ADGRG7: variants seen among roughly 807,000 people sequenced by gnomAD.
The protein encoded by ADGRG7 is adhesion G protein-coupled receptor G7.
In ADGRG7, 82 loss-of-function variants were observed where a neutral mutation model predicts 88.6. That is an observed-to-expected ratio of 0.93 (90% CI 0.77 to 1.11). ADGRG7 has a LOEUF of 1.11. Among genes scored for constraint, ADGRG7 ranks in the 50% most tolerant of loss-of-function variants. ADGRG7 has a pLI of 0.00. For missense variants in ADGRG7, 945 were observed against 953.4 expected (o/e 0.99, Z 0.12); for synonymous variants, 381 against 345.2 (o/e 1.10, Z -1.15).
chr3:100,615,690 G>A (rs1623413), intron 1 of ADGRG7, among the ~76,000 whole-genome samples: 46,406 of 152,144 alleles, frequency 0.31, 7,464 homozygotes, highest in Non-Finnish European at 0.34. Flanking sequence ...TACAAACATA[G>A]AAGTTACAAA....
At chr3:100,656,699 C>G (rs964831419) in intron 13 of ADGRG7, among the ~76,000 whole-genome samples, 2 of 152,094 alleles carry the variant, frequency 1.3e-5, no homozygotes, top group East Asian at 3.9e-4. Context: ...ATTCATATCT[C>G]CAAATTCCAC....
chr3:100,627,020 A>T (rs1286358777), intron 1 of ADGRG7, among the ~76,000 whole-genome samples: 1 of 152,182 alleles, frequency 6.6e-6, no homozygotes, highest in Non-Finnish European at 1.5e-5. Context: ...CATATATTTG[A>T]TGATATCATC....
intron 15 of ADGRG7, among the ~76,000 whole-genome samples, chr3:100,676,770 T>A (rs1559689503): frequency 6.6e-6 from 1 of 152,094 alleles, no homozygotes; most frequent in African/African-American, 2.4e-5. Flanking sequence ...TATTTATATA[T>A]GTGGGTGCTC....
At chr3:100,622,118 T>C (rs1338776683) in intron 1 of ADGRG7, among the ~76,000 whole-genome samples, 1 of 152,192 alleles carries the variant, frequency 6.6e-6, no homozygotes, top group African/African-American at 2.4e-5. Context: ...CACCTCCTGC[T>C]GTGTGGCCTG....
chr3:100,659,093 G>A (rs1156629889), intron 13 of ADGRG7, among the ~76,000 whole-genome samples: 1 of 152,020 alleles, frequency 6.6e-6, no homozygotes, highest in Admixed American at 6.6e-5. Flanking sequence ...GGTACAATGA[G>A]GTTAAATAAC....
At chr3:100,676,718 T>C (rs939770198) in intron 15 of ADGRG7, among the ~76,000 whole-genome samples, 6 of 152,072 alleles carry the variant, frequency 3.9e-5, no homozygotes, top group Non-Finnish European at 8.8e-5. Context: ...CTAGCTATTG[T>C]CGTATTAGGG....
chr3:100,688,720 G>T lies in ADGRG7; in HGVS notation c.2137-6024G>T, dbSNP rs7629217. 7.0e-3 allele frequency among the ~76,000 whole-genome samples: 1,071 copies of T among 152,270 alleles called. 15 individuals are homozygous for T. The highest frequency in any genetic ancestry group is 0.024 in the African/African-American group (1,017 of 41,558). ...GTTTCTTAATCCTGAGTTCTAGTTT[G>T]ATTGCACTGTGGTCTGACAGACAGT... On this transcript the variant is annotated intron_variant, in intron 15 of 15. Coordinates refer to ENST00000273352, the MANE Select transcript of ADGRG7 (RefSeq NM_032787.3).
intron 3 of ADGRG7, among the ~76,000 whole-genome samples, chr3:100,632,039 G>T (rs1442339892): frequency 2.6e-5 from 4 of 151,998 alleles, no homozygotes; most frequent in Non-Finnish European, 5.9e-5. Flanking sequence ...ATACTATATG[G>T]TATGCTATTG....
chr3:100,618,781 G>A (rs1707263618), intron 1 of ADGRG7, among the ~76,000 whole-genome samples: 1 of 135,106 alleles, frequency 7.4e-6, no homozygotes, highest in Admixed American at 7.1e-5. Context: ...TGATGGTGAT[G>A]GCATTGATCT....
At chr3:100,625,514 T>C (rs1036710175) in intron 1 of ADGRG7, among the ~76,000 whole-genome samples, 8 of 152,166 alleles carry the variant, frequency 5.3e-5, no homozygotes, top group African/African-American at 1.7e-4. Context: ...TTGAATATCC[T>C]TTATTTCTTT....
intron 15 of ADGRG7, 67 bp from the exon 16 acceptor site, chr3:100,694,677 A>G: frequency 6.8e-7 from 1 of 1,465,008 alleles, no homozygotes; most frequent in Non-Finnish European, 9.3e-7. Flanking sequence ...GCAGAGTGAA[A>G]TAAAATGTCT....
Position 100,643,326 on chromosome 3 carries a change from T to C in ADGRG7, c.759T>C (p.Pro253=), listed in dbSNP as rs373414391. The C allele has an allele frequency of 1.0e-4, 162 of 1,613,958 alleles. No individual in the cohort carries two copies. Among genetic ancestry groups the C allele is most frequent in the Non-Finnish European group, 1.3e-4 (158 of 1,179,926 alleles). ...LSLGNQSVVE[P]NIAIQSANFS... ...TGGGTAATCAATCAGTGGTGGAACC[T>C]AACATAGCAATACAGTCAGCAAATT... Residue 253 remains proline (P), a synonymous_variant, in exon 7 of 16, where the codon CCT becomes CCC. Transcript: ENST00000273352.
chr3:100,674,940 A>T (rs1319584382), intron 15 of ADGRG7, among the ~76,000 whole-genome samples: 1 of 152,014 alleles, frequency 6.6e-6, no homozygotes, highest in Non-Finnish European at 1.5e-5. Flanking sequence ...TATGTATGTT[A>T]ATTTTGTATC....
chr3:100,634,743 A>G (rs758601227), intron 4 of ADGRG7, among the ~76,000 whole-genome samples: 1 of 152,174 alleles, frequency 6.6e-6, no homozygotes, highest in Non-Finnish European at 1.5e-5. Flanking sequence ...GCCACTTCTA[A>G]GCTGTGTGAA....
intron 15 of ADGRG7, among the ~76,000 whole-genome samples, chr3:100,673,553 C>T (rs2094961353): frequency 6.6e-6 from 1 of 151,618 alleles, no homozygotes; most frequent in Non-Finnish European, 1.5e-5. Context: ...CCTCTGCCTC[C>T]TGGGTTCAGG....
At chr3:100,670,112 A>G (rs1161674202) in intron 15 of ADGRG7, among the ~76,000 whole-genome samples, 1 of 152,092 alleles carries the variant, frequency 6.6e-6, no homozygotes, top group Non-Finnish European at 1.5e-5. Flanking sequence ...CATTCTAACT[A>G]TATTTTTGTA....
chr3:100,618,824 C>T (rs1707264210), intron 1 of ADGRG7, among the ~76,000 whole-genome samples: 1 of 152,140 alleles, frequency 6.6e-6, no homozygotes, highest in Non-Finnish European at 1.5e-5. Flanking sequence ...GCCATTTTCA[C>T]AATATTGATT....
At chr3:100,679,853 A>G (rs1306936963) in intron 15 of ADGRG7, among the ~76,000 whole-genome samples, 3 of 152,244 alleles carry the variant, frequency 2.0e-5, no homozygotes, top group African/African-American at 7.2e-5. Flanking sequence ...CTTCTGTGGG[A>G]TTGGCTGAAG....
intron 1 of ADGRG7, among the ~76,000 whole-genome samples, chr3:100,612,902 T>C (rs1391156001): frequency 6.6e-6 from 1 of 152,196 alleles, no homozygotes; most frequent in Admixed American, 6.5e-5. Context: ...TGTTTTATTT[T>C]TGTTTTGAGA....
Sources: allele counts gnomAD v4.1 joint callset (sites outside exome capture counted in the v4.1 genomes callset), GRCh38; gene constraint gnomAD v4.1.1; transcripts MANE v1.5; gene names NCBI Gene and HGNC (gene_info 2026-07-23, HGNC 2026-07-21).